The following C1QB variants were observed in gnomAD, a reference collection of about 807,000 sequenced individuals.
C1QB encodes the protein complement C1q B chain, also known as complement C1q subcomponent subunit B.
Under a neutral mutation model 4.6 loss-of-function variants are expected in C1QB, and 2 were observed. The observed-to-expected ratio is 0.43, with a 90% CI of 0.18 to 1.36. The LOEUF (loss-of-function observed/expected upper bound fraction) is 1.36, where lower values mean the gene tolerates loss of function less well. Ranked by LOEUF, C1QB falls within the 40% of genes most tolerant of loss-of-function variation. C1QB has a pLI of 0.28. For missense variants in C1QB, 292 were observed against 338.0 expected, an observed-to-expected ratio of 0.86 and a Z score of 1.07; for synonymous variants, 132 against 137.1, an observed-to-expected ratio of 0.96 and a Z score of 0.26.
intron 1 of C1QB, among the ~76,000 whole-genome samples, chr1:22,655,545 T>C (rs920447012): frequency 6.6e-6 from 1 of 152,036 alleles, no homozygotes; most frequent in Admixed American, 6.6e-5. Context: ...AGGGTAGGAG[T>C]TTGGCCACAA....
chr1:22,659,581 G>A lies in C1QB; in HGVS notation c.119G>A (p.Gly40Asp). Residue 40 changes from glycine (G) to aspartate (D), a missense_variant, in exon 2 of 3, where the codon GGT becomes GAT. Coordinates refer to ENST00000509305, the MANE Select transcript of C1QB (RefSeq NM_001378156.1). ...CCCCCAGCCATCCCTGGCATCCCGG[G>A]TATCCCTGGGACACCTGGCCCCGAT... ...TGPPAIPGIP[G>D]IPGTPGPDGQ... 6.2e-7 allele frequency: 1 copy of A among 1,613,990 alleles called. No individual in the cohort carries two copies. The highest frequency in any genetic ancestry group is 8.5e-7 in the Non-Finnish European group (1 of 1,179,954).
intron 1 of C1QB, among the ~76,000 whole-genome samples, chr1:22,657,620 T>C (rs294188): frequency 0.042 from 6,444 of 152,216 alleles, 461 homozygotes; most frequent in African/African-American, 0.15. Flanking sequence ...TTAACGGGCA[T>C]AGAGTTTTAT....
At chr1:22,656,308 C>G (rs1008857596) in intron 1 of C1QB, among the ~76,000 whole-genome samples, 2 of 152,154 alleles carry the variant, frequency 1.3e-5, no homozygotes, top group Non-Finnish European at 2.9e-5. Context: ...TCCTTGTTCA[C>G]AAATGTTCAT....
chr1:22,655,078 C>A (rs1290724789), intron 1 of C1QB, among the ~76,000 whole-genome samples: 1 of 152,256 alleles, frequency 6.6e-6, no homozygotes, highest in South Asian at 2.1e-4. Context: ...AATAAGAAAG[C>A]AAGAGTGCAT....
intron 2 of C1QB, among the ~76,000 whole-genome samples, chr1:22,660,099 T>C (rs535578500): frequency 6.6e-6 from 1 of 152,336 alleles, no homozygotes; most frequent in African/African-American, 2.4e-5. Context: ...ATTTGGTTTA[T>C]TCATTCATTT....
Position 22,661,331 on chromosome 1 carries a change from A to G in C1QB, c.701A>G (p.Glu234Gly). 6.2e-7 allele frequency: 1 copy of G among 1,613,956 alleles called. No individual in the cohort carries two copies. The highest frequency in any genetic ancestry group is 8.5e-7 in the Non-Finnish European group (1 of 1,179,986). The change falls in exon 3 of 3, where the codon GAG (glutamate) becomes GGG (glycine). Residue 234 changes from glutamate to glycine, a missense_variant. Glu to Gly is a moderately conservative substitution (Grantham distance 98). Transcript: ENST00000509305. The part of the protein sequence containing the change: ...ATDKNSLLGM[E>G]GANSIFSGFL... Reference sequence around the variant, plus strand: ...GACAAGAACTCACTACTGGGCATGGAGGGTGCCAACAGCATCTTTTCCGGG... The same window carrying G: ...GACAAGAACTCACTACTGGGCATGGGGGGTGCCAACAGCATCTTTTCCGGG...
intron 1 of C1QB, 94 bp from the exon 2 acceptor site, chr1:22,659,346 A>AGATG (rs140338008): frequency 0.022 from 18,645 of 859,590 alleles, 206 homozygotes; most frequent in East Asian, 0.044. Context: ...AGGAATAGAG[A>AGATG]GATGGATGGA....
rs767948585 is a variant in C1QB, at chr1:22,661,023, C to T, written c.393C>T (p.Pro131=). 6.8e-6 allele frequency: 11 copies of T among 1,614,072 alleles called. No homozygotes were observed. The highest frequency in any genetic ancestry group is 9.3e-6 in the Non-Finnish European group (11 of 1,180,006). Residue 131 remains proline, a synonymous_variant, in exon 3 of 3, where the codon CCC becomes CCT. Transcript: ENST00000509305. The part of the protein sequence containing the change: ...AFSATRTINV[P]LRRDQTIRFD... ...CTGCCACAAGAACCATCAACGTCCC[C>T]CTGCGCCGGGACCAGACCATCCGCT...
intron 1 of C1QB, among the ~76,000 whole-genome samples, chr1:22,658,268 T>A (rs1047203298): frequency 7.9e-5 from 12 of 152,212 alleles, no homozygotes; most frequent in African/African-American, 2.7e-4. Flanking sequence ...ATCCTCAACA[T>A]CCTAACCTCT....
intron 1 of C1QB, among the ~76,000 whole-genome samples, chr1:22,656,958 G>A (rs2148303117): frequency 6.6e-6 from 1 of 152,268 alleles, no homozygotes; most frequent in East Asian, 1.9e-4. Context: ...TCAGGGTGAG[G>A]TATGAGGGAA....
intron 1 of C1QB, among the ~76,000 whole-genome samples, chr1:22,658,930 G>C (rs1338169549): frequency 1.3e-5 from 1 of 77,052 alleles, no homozygotes; most frequent in African/African-American, 5.1e-5. Context: ...TGGAGGGGTA[G>C]AGAGATGGAT....
rs553868516 is a variant in C1QB at position 22,660,755 on chromosome 1, G to T, written c.182-57G>T. 9 of 1,567,750 alleles carry T rather than the reference G, an allele frequency of 5.7e-6. No individual in the cohort carries two copies. In the East Asian group the frequency reaches 9.0e-5, roughly 16 times the overall value. ...GCAGGGCCCTGCCCAAGGTTCCAGCGCAGGCCTCCTTCTTTTGGTCTCAGT... is the reference window on the plus strand; with the variant it reads ...GCAGGGCCCTGCCCAAGGTTCCAGCTCAGGCCTCCTTCTTTTGGTCTCAGT... On this transcript the variant is annotated intron_variant, in intron 2 of 2. Transcript: ENST00000509305.
intron 2 of C1QB, 107 bp downstream of exon 2, chr1:22,659,750 C>T (rs938915817): frequency 1.4e-5 from 19 of 1,331,588 alleles, no homozygotes; most frequent in Non-Finnish European, 1.8e-5. Context: ...ACTGGCAAAT[C>T]CAGCAGCTTG....
Position 22,659,541 on chromosome 1 carries a change from C to T in C1QB, c.79C>T (p.Leu27Phe), listed in dbSNP as rs1354456164. The T allele has an allele frequency of 6.2e-7, 1 of 1,614,066 alleles. No individual in the cohort carries two copies. Among genetic ancestry groups the T allele is most frequent in the East Asian group, 2.2e-5 (1 of 44,874 alleles). The change falls in exon 2 of 3, where the codon CTC (leucine) becomes TTC (phenylalanine). Residue 27 changes from leucine (L) to phenylalanine (F), a missense_variant. Leu to Phe is a conservative substitution (Grantham distance 22). Coordinates refer to ENST00000509305, the MANE Select transcript of C1QB (RefSeq NM_001378156.1). ...CCTAATCGATATCTCCCAGGCCCAG[C>T]TCAGCTGCACCGGGCCCCCAGCCAT... is the stretch of plus-strand genomic sequence containing the variant. ...LGLIDISQAQ[L>F]SCTGPPAIPG... is the part of the protein sequence containing the mutation.
chr1:22,661,334 G>A lies in C1QB; in HGVS notation c.704G>A (p.Gly235Asp), dbSNP rs1557613301. The A allele has an allele frequency of 2.5e-6, 4 of 1,613,992 alleles. No individual in the cohort carries two copies. Among genetic ancestry groups the A allele is most frequent in the Non-Finnish European group, 3.4e-6 (4 of 1,180,006 alleles). The change falls in exon 3 of 3, where the codon GGT (glycine) becomes GAT (aspartate). Residue 235 changes from glycine (G) to aspartate (D), a missense_variant. By Grantham distance (94) the Gly-to-Asp change is moderately conservative. Coordinates refer to ENST00000509305, the MANE Select transcript of C1QB (RefSeq NM_001378156.1). ...AAGAACTCACTACTGGGCATGGAGG[G>A]TGCCAACAGCATCTTTTCCGGGTTC... ...TDKNSLLGME[G>D]ANSIFSGFLL...
chr1:22,658,015 G>A (rs529993236), intron 1 of C1QB, among the ~76,000 whole-genome samples: 2 of 152,302 alleles, frequency 1.3e-5, no homozygotes, highest in East Asian at 1.9e-4. Context: ...CTCTGAGCAA[G>A]TGACTTGGCC....
At chr1:22,653,484 T>C (rs1244912247) in intron 1 of C1QB, among the ~76,000 whole-genome samples, 181 bp downstream of exon 1, 1 of 151,858 alleles carries the variant, frequency 6.6e-6, no homozygotes, top group African/African-American at 2.4e-5. Context: ...AGTTGGGGAG[T>C]CTGCTGCTAC....
At chr1:22,657,818 G>T (rs1327136402) in intron 1 of C1QB, among the ~76,000 whole-genome samples, 3 of 152,200 alleles carry the variant, frequency 2.0e-5, no homozygotes, top group African/African-American at 7.2e-5. Flanking sequence ...TGTCCTGAGA[G>T]CTAATGGCAT....
intron 1 of C1QB, among the ~76,000 whole-genome samples, chr1:22,656,864 T>C (rs1642537623): frequency 6.6e-6 from 1 of 152,134 alleles, no homozygotes; most frequent in Non-Finnish European, 1.5e-5. Flanking sequence ...GTTTGGATTC[T>C]TTGCTAGAGT....
Sources: allele counts gnomAD v4.1 joint callset (sites outside exome capture counted in the v4.1 genomes callset), GRCh38; gene constraint gnomAD v4.1.1; transcripts MANE v1.5; gene names NCBI Gene and HGNC (gene_info 2026-07-23, HGNC 2026-07-21).